VAV3: variants seen among roughly 807,000 people sequenced by gnomAD.
VAV3 encodes the protein vav guanine nucleotide exchange factor 3.
A neutral mutation model predicts 131.2 loss-of-function variants in VAV3; 94 were observed. That is an observed-to-expected ratio of 0.72 (90% CI 0.61 to 0.85). The LOEUF (loss-of-function observed/expected upper bound fraction) is 0.85, where lower values mean the gene tolerates loss of function less well. VAV3 is among the 40% of genes least tolerant of loss of function. The probability of loss-of-function intolerance (pLI) is 0.00; values close to 1 mark genes in which losing one functional copy is unlikely to be tolerated. For synonymous variants in VAV3, 349 were observed against 342.0 expected (o/e 1.02, Z -0.22); for missense variants, 939 against 1,002.7 (o/e 0.94, Z 0.86).
intron 1 of VAV3, among the ~76,000 whole-genome samples, chr1:107,881,812 G>A (rs1009635136): frequency 1.3e-5 from 2 of 152,178 alleles, no homozygotes; most frequent in African/African-American, 4.8e-5. Flanking sequence ...CAAGGCATGA[G>A]TGGCTTTTCA....
intron 2 of VAV3, 152 bp from the exon 3 acceptor site, chr1:107,779,644 G>C (rs1352537168): frequency 4.5e-6 from 2 of 439,804 alleles, no homozygotes. Flanking sequence ...GCTGTGATTG[G>C]GAAGTATAAA....
chr1:107,592,177 C>T, intron 25 of VAV3, among the ~76,000 whole-genome samples: 1 of 152,028 alleles, frequency 6.6e-6, no homozygotes. Flanking sequence ...AACAGTTCCT[C>T]AGACTTTTTC....
chr1:107,768,257 A>G (rs1204018115), intron 7 of VAV3, among the ~76,000 whole-genome samples, 184 bp downstream of exon 7: 2 of 152,226 alleles, frequency 1.3e-5, no homozygotes, highest in Non-Finnish European at 2.9e-5. Context: ...TTGGTTGAAG[A>G]TATGATACAT....
chr1:107,713,846 A>C (rs899038092), intron 15 of VAV3, among the ~76,000 whole-genome samples: 1 of 152,108 alleles, frequency 6.6e-6, no homozygotes, highest in African/African-American at 2.4e-5. Flanking sequence ...TTTCACTTAT[A>C]CATCATCACC....
At chr1:107,612,678 T>C (rs924067936) in intron 21 of VAV3, among the ~76,000 whole-genome samples, 6 of 152,156 alleles carry the variant, frequency 3.9e-5, no homozygotes, top group Admixed American at 2.6e-4. Flanking sequence ...GAATGAATGA[T>C]AAACTGTAGA....
At chr1:107,655,878 G>GA (rs752267650) in intron 19 of VAV3, among the ~76,000 whole-genome samples, 39 of 152,218 alleles carry the variant, frequency 2.6e-4, no homozygotes, top group Admixed American at 1.0e-3. Context: ...TCAGGGAAAT[G>GA]AAAATCAAAA....
At chr1:107,713,893 G>C (rs369682730) in intron 15 of VAV3, among the ~76,000 whole-genome samples, 1 of 151,984 alleles carries the variant, frequency 6.6e-6, no homozygotes, top group Admixed American at 6.6e-5. Flanking sequence ...CAGACATCAC[G>C]TTTTGGCTAG....
intron 17 of VAV3, among the ~76,000 whole-genome samples, chr1:107,703,964 AAACTAGCTCATGT>A (rs1303254585): frequency 7.9e-5 from 12 of 152,228 alleles, no homozygotes; most frequent in Non-Finnish European, 1.8e-4. Flanking sequence ...GCCATCTTAG[AAACTAGCTCATGT>A]AACAATCATG....
chr1:107,735,711 A>C (rs1662575616), intron 15 of VAV3, among the ~76,000 whole-genome samples: 1 of 152,244 alleles, frequency 6.6e-6, no homozygotes, highest in African/African-American at 2.4e-5. Context: ...TCAGGCAATA[A>C]TTAATAGCCT....
At chr1:107,776,117 T>C (rs754222415) in intron 4 of VAV3, among the ~76,000 whole-genome samples, 10 of 152,220 alleles carry the variant, frequency 6.6e-5, no homozygotes, top group Non-Finnish European at 1.0e-4. Flanking sequence ...GCATATAACC[T>C]GGTTAGCACA....
Position 107,771,410 on chromosome 1 carries a change from G to A in VAV3, c.556-682C>T, listed in dbSNP as rs552538102. 2.4e-4 allele frequency among the ~76,000 whole-genome samples: 36 copies of A among 152,128 alleles called. No individual in the cohort carries two copies. In the East Asian group the frequency reaches 4.9e-3, roughly 20 times the overall value. On this transcript the variant is annotated intron_variant, in intron 5 of 26. Coordinates refer to ENST00000370056, the MANE Select transcript of VAV3 (RefSeq NM_006113.5). ...TGTGACTACAGGTGCCCGCCGCCAC[G>A]CCCAGCTAATTTTTTGTGTTTTTTA...
intron 20 of VAV3, among the ~76,000 whole-genome samples, chr1:107,635,922 A>G (rs1654898774): frequency 6.6e-6 from 1 of 152,212 alleles, no homozygotes; most frequent in Non-Finnish European, 1.5e-5. Flanking sequence ...TCAACCTCAC[A>G]GTGCCTCAGT....
chr1:107,773,605 C>T (rs943218105), intron 4 of VAV3, among the ~76,000 whole-genome samples: 8 of 152,068 alleles, frequency 5.3e-5, no homozygotes, highest in South Asian at 2.1e-4. Context: ...ACTGGGACAA[C>T]CAGACTTGGT....
At chr1:107,822,374 G>C (rs929526077) in intron 2 of VAV3, among the ~76,000 whole-genome samples, 13 of 152,142 alleles carry the variant, frequency 8.5e-5, no homozygotes, top group Non-Finnish European at 1.5e-4. Context: ...AATTAAATGG[G>C]CTGGGCGCGG....
At chr1:107,927,131 T>A (rs1165011547) in intron 1 of VAV3, among the ~76,000 whole-genome samples, 2 of 151,236 alleles carry the variant, frequency 1.3e-5, no homozygotes, top group African/African-American at 2.4e-5. Flanking sequence ...GGATAGGACA[T>A]CACAGTCATG....
At chr1:107,732,983 A>T (rs11801226) in intron 15 of VAV3, among the ~76,000 whole-genome samples, 12,709 of 152,200 alleles carry the variant, frequency 0.084, 685 homozygotes, top group Admixed American at 0.17. Flanking sequence ...TACCTCATAC[A>T]GCCAGATGCC....
At chr1:107,845,783 A>G (rs999816102) in intron 2 of VAV3, among the ~76,000 whole-genome samples, 1 of 152,222 alleles carries the variant, frequency 6.6e-6, no homozygotes, top group African/African-American at 2.4e-5. Flanking sequence ...AAAGACTCCA[A>G]CAAATATGAA....
intron 12 of VAV3, among the ~76,000 whole-genome samples, chr1:107,752,583 T>C (rs1663804091): frequency 6.6e-6 from 1 of 152,120 alleles, no homozygotes; most frequent in South Asian, 2.1e-4. Context: ...GGGATACAAA[T>C]AAAGAGCTTC....
chr1:107,870,052 C>T (rs1282555608), intron 2 of VAV3, among the ~76,000 whole-genome samples: 1 of 152,112 alleles, frequency 6.6e-6, no homozygotes, highest in Non-Finnish European at 1.5e-5. Context: ...GGCATTTGGG[C>T]TGATTCCACA....
Sources: gnomAD v4.1 joint callset for allele counts (sites outside exome capture counted in the v4.1 genomes callset) on GRCh38, gnomAD v4.1.1 for gene constraint, MANE v1.5 for transcripts, NCBI Gene and HGNC (gene_info 2026-07-23, HGNC 2026-07-21) for gene names.